The following TMPRSS11F variants were observed in gnomAD, a reference collection of about 807,000 sequenced individuals.
TMPRSS11F encodes the protein transmembrane serine protease 11F.
TMPRSS11F carries 47 observed loss-of-function variants against 60.2 expected under a neutral mutation model. That is an observed-to-expected ratio of 0.78 (90% CI 0.62 to 1.00). The LOEUF is 1.00. TMPRSS11F is among the 50% of genes least tolerant of loss of function. The pLI, the probability that TMPRSS11F is intolerant of heterozygous loss-of-function variation, is 0.00. For missense variants in TMPRSS11F, 519 were observed against 522.9 expected, an observed-to-expected ratio of 0.99 and a Z score of 0.07; for synonymous variants, 166 against 167.3, an observed-to-expected ratio of 0.99 and a Z score of 0.06.
chr4:68,054,704 T>A (rs4613616), intron 9 of TMPRSS11F, among the ~76,000 whole-genome samples: 1 of 151,772 alleles, frequency 6.6e-6, no homozygotes, highest in East Asian at 1.9e-4. Context: ...GCTTTCTGTG[T>A]CACTTCCTCA....
intron 3 of TMPRSS11F, among the ~76,000 whole-genome samples, chr4:68,076,488 T>G (rs1215319424): frequency 6.6e-6 from 1 of 152,182 alleles, no homozygotes; most frequent in East Asian, 1.9e-4. Context: ...ACTCCATCGG[T>G]TACTTCTCTT....
Position 68,098,960 on chromosome 4 carries a change from T to C in TMPRSS11F, c.90A>G (p.Leu30=). ...RKQQFWDSVR[L]ALFTLAIVAI... is the part of the protein sequence containing the mutation. ...CTACAATTGCTAATGTGAAAAGAGC[T>C]AGCCGTACTGAGTCCCAAAATTGCT... Residue 30 remains leucine, a synonymous_variant, in exon 2 of 10, where the codon CTA becomes CTG. Transcript: ENST00000356291. The C allele has an allele frequency of 1.2e-6, 2 of 1,613,266 alleles. No homozygotes were observed. The highest frequency in any genetic ancestry group is 1.1e-5 in the South Asian group (1 of 90,982).
chr4:68,128,480 A>G (rs960920307), intron 1 of TMPRSS11F, among the ~76,000 whole-genome samples: 1 of 152,044 alleles, frequency 6.6e-6, no homozygotes, highest in Non-Finnish European at 1.5e-5. Flanking sequence ...ATCAAAGCTG[A>G]CGAGGCTTCA....
intron 9 of TMPRSS11F, among the ~76,000 whole-genome samples, chr4:68,056,055 T>C (rs1458446157): frequency 6.6e-6 from 1 of 152,150 alleles, no homozygotes; most frequent in Admixed American, 6.5e-5. Flanking sequence ...ATAAAAGCCA[T>C]ATATTGGCTT....
chr4:68,092,427 C>G (rs1477330884), intron 2 of TMPRSS11F, among the ~76,000 whole-genome samples: 1 of 152,044 alleles, frequency 6.6e-6, no homozygotes, highest in African/African-American at 2.4e-5. Context: ...TAAGCATTAT[C>G]TTACTTCTTT....
At chr4:68,091,747 A>ATCTCTCTCTCTCTCTCTCTCTC (rs372346277) in intron 2 of TMPRSS11F, among the ~76,000 whole-genome samples, 1 of 71,592 alleles carries the variant, frequency 1.4e-5, no homozygotes, top group African/African-American at 4.2e-5. Context: ...TTAATCTCTA[A>ATCTCTCTCTCTCTCTCTCTCTC]TCTCTCTCTC....
intron 1 of TMPRSS11F, among the ~76,000 whole-genome samples, chr4:68,128,516 T>G (rs138962430): frequency 6.9e-6 from 1 of 144,546 alleles, no homozygotes; most frequent in Non-Finnish European, 1.5e-5. Flanking sequence ...GTTGTAATGA[T>G]ATTTTCAGGG....
chr4:68,068,935 C>G, intron 6 of TMPRSS11F, 116 bp from the exon 7 acceptor site: 4 of 1,037,164 alleles, frequency 3.9e-6, no homozygotes, highest in Non-Finnish European at 5.8e-6. Flanking sequence ...CCATTCATAG[C>G]ACTCAGCCTT....
In TMPRSS11F at chr4:68,062,730, G is replaced by A. The variant is rs200518165; in HGVS notation, c.1015+1955C>T. The A allele has an allele frequency of 1.2e-3, 902 of 741,994 alleles. 15 individuals are homozygous for A. The highest frequency in any genetic ancestry group is 8.9e-3 in the South Asian group (661 of 74,238). The allele number at this position is 741,994 out of a possible 1,614,324, so 46.0% of individuals were successfully genotyped here. A position where few individuals can be genotyped will look rare whatever the true frequency, so the allele number is the denominator to read the frequency against. Reference sequence around the variant, plus strand: ...AGTGTCACATGAGAAAGCTGAAATAGGGTCACTTTGAAAACAAAAGTTTCC... The same window carrying A: ...AGTGTCACATGAGAAAGCTGAAATAAGGTCACTTTGAAAACAAAAGTTTCC... On this transcript the variant is annotated intron_variant, in intron 8 of 9. Coordinates refer to ENST00000356291, the MANE Select transcript of TMPRSS11F (RefSeq NM_207407.2).
intron 1 of TMPRSS11F, among the ~76,000 whole-genome samples, chr4:68,104,708 G>T (rs560722437): frequency 6.6e-6 from 1 of 152,084 alleles, no homozygotes; most frequent in African/African-American, 2.4e-5. Context: ...AAACTGTTGA[G>T]AATTTTTATC....
intron 1 of TMPRSS11F, among the ~76,000 whole-genome samples, chr4:68,120,051 A>G: frequency 6.6e-6 from 1 of 152,218 alleles, no homozygotes; most frequent in Non-Finnish European, 1.5e-5. Flanking sequence ...AAGTAACTGC[A>G]GATGTAATGG....
chr4:68,080,773 A>T (rs1279420263), intron 3 of TMPRSS11F: 3 of 150,980 alleles, frequency 2.0e-5, no homozygotes, highest in Non-Finnish European at 1.5e-5. Context: ...TTTAATCAAG[A>T]TCCCCCAGTC....
intron 7 of TMPRSS11F, among the ~76,000 whole-genome samples, chr4:68,067,067 CT>C (rs1350955272): frequency 2.0e-5 from 3 of 152,058 alleles, no homozygotes; most frequent in Admixed American, 6.6e-5. Context: ...CTAAATTGCA[CT>C]TTTTTTTCTC....
chr4:68,074,683 G>A (rs1221355345), intron 3 of TMPRSS11F, among the ~76,000 whole-genome samples: 1 of 151,966 alleles, frequency 6.6e-6, no homozygotes, highest in Non-Finnish European at 1.5e-5. Context: ...TATACCATCA[G>A]CATTTCATTA....
At chr4:68,109,257 C>A (rs1724361024) in intron 1 of TMPRSS11F, among the ~76,000 whole-genome samples, 1 of 151,992 alleles carries the variant, frequency 6.6e-6, no homozygotes, top group African/African-American at 2.4e-5. Flanking sequence ...GTCCAGTACT[C>A]CAGTACCAGT....
chr4:68,115,410 A>G (rs1022268081), intron 1 of TMPRSS11F, among the ~76,000 whole-genome samples: 4 of 151,798 alleles, frequency 2.6e-5, no homozygotes, highest in Middle Eastern at 6.9e-3. Context: ...TCTCAAGCAT[A>G]TAAAGCTCTT....
At chr4:68,057,944 G>A (rs749267688) in intron 9 of TMPRSS11F, among the ~76,000 whole-genome samples, 1 of 152,142 alleles carries the variant, frequency 6.6e-6, no homozygotes, top group Non-Finnish European at 1.5e-5. Flanking sequence ...AGGACATTAT[G>A]CTAAGTGAAA....
intron 1 of TMPRSS11F, among the ~76,000 whole-genome samples, chr4:68,099,532 C>T (rs1391756036): frequency 1.3e-5 from 2 of 152,166 alleles, no homozygotes; most frequent in African/African-American, 4.8e-5. Context: ...TTACATTTGA[C>T]TCACATGACC....
chr4:68,060,065 T>C (rs1723126662), intron 8 of TMPRSS11F, among the ~76,000 whole-genome samples: 1 of 152,100 alleles, frequency 6.6e-6, no homozygotes, highest in Non-Finnish European at 1.5e-5. Flanking sequence ...TTTAGGGCTC[T>C]GGGTTGAAGC....
Sources: gnomAD v4.1 joint callset for allele counts (sites outside exome capture counted in the v4.1 genomes callset) on GRCh38, gnomAD v4.1.1 for gene constraint, MANE v1.5 for transcripts, NCBI Gene and HGNC (gene_info 2026-07-23, HGNC 2026-07-21) for gene names.